The following P3H2 variants were observed in gnomAD, a reference collection of about 807,000 sequenced individuals.
The protein encoded by P3H2 is leprecan-like 1.
Under a neutral mutation model 87.0 loss-of-function variants are expected in P3H2, and 80 were observed. That is an observed-to-expected ratio of 0.92 (90% confidence interval 0.77 to 1.11). P3H2 has a LOEUF of 1.11. P3H2 is among the 50% of genes least tolerant of loss of function. The pLI is 0.00. For synonymous variants in P3H2, 367 were observed against 359.3 expected, an observed-to-expected ratio of 1.02 and a Z score of -0.24; for missense variants, 1,001 against 923.9, an observed-to-expected ratio of 1.08 and a Z score of -1.08.
At chr3:190,113,617 CAA>C (rs1712155691) in intron 1 of P3H2, among the ~76,000 whole-genome samples, 1 of 152,200 alleles carries the variant, frequency 6.6e-6, no homozygotes, top group Non-Finnish European at 1.5e-5. Flanking sequence ...CAAAATGTAT[CAA>C]GTCTCGCCTA....
chr3:190,042,428 TTGTG>T (rs58506083), intron 1 of P3H2, among the ~76,000 whole-genome samples: 22,900 of 150,668 alleles, frequency 0.15, 2,387 homozygotes, highest in African/African-American at 0.3. Flanking sequence ...TTGTAAGATT[TTGTG>T]TGTGTGTGTG....
chr3:189,962,743 G>A (rs1456308195), intron 14 of P3H2, among the ~76,000 whole-genome samples: 1 of 152,202 alleles, frequency 6.6e-6, no homozygotes. Flanking sequence ...ATATGTGAAA[G>A]AATGGCTTAG....
At chr3:190,097,457 TAAAAC>T (rs1261635222) in intron 1 of P3H2, among the ~76,000 whole-genome samples, 1 of 151,862 alleles carries the variant, frequency 6.6e-6, no homozygotes, top group Non-Finnish European at 1.5e-5. Flanking sequence ...GACTGAAAAA[TAAAAC>T]AAAACGATTC....
intron 10 of P3H2, among the ~76,000 whole-genome samples, chr3:189,973,656 TG>T (rs1723254098): frequency 6.6e-6 from 1 of 151,810 alleles, no homozygotes; most frequent in Non-Finnish European, 1.5e-5. Context: ...CCCGAGTAGC[TG>T]GGACTACAGG....
intron 1 of P3H2, among the ~76,000 whole-genome samples, chr3:190,057,691 T>C (rs1726202397): frequency 6.6e-6 from 1 of 152,182 alleles, no homozygotes; most frequent in East Asian, 1.9e-4. Context: ...ACAGATGATG[T>C]GGTGTGGCCT....
intron 1 of P3H2, among the ~76,000 whole-genome samples, chr3:189,998,339 T>C (rs1724111254): frequency 1.3e-5 from 2 of 152,210 alleles, no homozygotes; most frequent in African/African-American, 2.4e-5. Flanking sequence ...ATTTATGTTC[T>C]TAATTTTCCT....
chr3:190,114,094 A>C (rs2042039773), intron 1 of P3H2, among the ~76,000 whole-genome samples: 1 of 151,344 alleles, frequency 6.6e-6, no homozygotes, highest in Non-Finnish European at 1.5e-5. Flanking sequence ...AAAAAAAAAA[A>C]AAAATGGCCA....
Position 189,956,833 on chromosome 3 carries a change from A to C in P3H2, c.*1079T>G. On this transcript the variant is annotated 3_prime_UTR_variant, in exon 15 of 15. Coordinates refer to ENST00000319332, the MANE Select transcript of P3H2 (RefSeq NM_018192.4). ...CCCAAAATATAAGCAGATGACGGTT[A>C]AAATCAATCAGAAATTTATTTTTCT... 3.2e-6 allele frequency: 1 copy of C among 316,206 alleles called. No individual in the cohort carries two copies. The highest frequency in any genetic ancestry group is 5.7e-6 in the Non-Finnish European group (1 of 174,802). The allele number at this position is 316,206 out of a possible 1,614,324, so 19.6% of individuals were successfully genotyped here. A position where few individuals can be genotyped will look rare whatever the true frequency, so the allele number is the denominator to read the frequency against.
At chr3:190,012,989 C>G (rs1006436933) in intron 1 of P3H2, among the ~76,000 whole-genome samples, 3 of 152,156 alleles carry the variant, frequency 2.0e-5, no homozygotes, top group Non-Finnish European at 4.4e-5. Flanking sequence ...GTGACTAACT[C>G]TTCTTGGCAC....
intron 8 of P3H2, among the ~76,000 whole-genome samples, chr3:189,977,935 A>C (rs1489125000): frequency 6.6e-6 from 1 of 152,128 alleles, no homozygotes; most frequent in African/African-American, 2.4e-5. Flanking sequence ...AATCCCCCCT[A>C]AACGTCTTAG....
chr3:190,088,139 T>C (rs538954601), intron 1 of P3H2, among the ~76,000 whole-genome samples: 2 of 152,278 alleles, frequency 1.3e-5, no homozygotes, highest in Admixed American at 6.5e-5. Flanking sequence ...TAAAGTCTCA[T>C]TGATGATAAT....
chr3:190,084,796 T>C (rs1727157158), intron 1 of P3H2, among the ~76,000 whole-genome samples: 1 of 152,178 alleles, frequency 6.6e-6, no homozygotes, highest in African/African-American at 2.4e-5. Context: ...ACTGAGGTTT[T>C]GTTTTAGCCA....
At chr3:189,991,824 G>A (rs2108922109) in intron 3 of P3H2, among the ~76,000 whole-genome samples, 1 of 152,332 alleles carries the variant, frequency 6.6e-6, no homozygotes, top group African/African-American at 2.4e-5. Flanking sequence ...CCAGATCTGT[G>A]AGCAGAATTT....
intron 1 of P3H2, among the ~76,000 whole-genome samples, chr3:190,073,521 G>C (rs1441086026): frequency 6.6e-6 from 1 of 152,124 alleles, no homozygotes; most frequent in Non-Finnish European, 1.5e-5. Flanking sequence ...AACCACCAAG[G>C]CCTAGAGTAC....
rs551675191 is a variant in P3H2, at chr3:189,990,027, A to C, written c.824-989T>G. Among the ~76,000 whole-genome samples the C allele has an allele frequency of 2.6e-5, 4 of 152,224 alleles. No individual in the cohort carries two copies. The East Asian group carries it at 7.8e-4, about 30-fold the overall frequency. ...TTGAGAATGATGATAAAATCATTTG[A>C]TCTCATAGCTGTGCAATTTAATTTA... On this transcript the variant is annotated intron_variant, in intron 3 of 14. Coordinates refer to ENST00000319332, the MANE Select transcript of P3H2 (RefSeq NM_018192.4).
chr3:190,035,657 T>C (rs1725396555), intron 1 of P3H2, among the ~76,000 whole-genome samples: 1 of 152,216 alleles, frequency 6.6e-6, no homozygotes, highest in East Asian at 1.9e-4. Flanking sequence ...GATACTGTTA[T>C]CATGTCCTTT....
intron 14 of P3H2, among the ~76,000 whole-genome samples, chr3:189,959,860 ATGTGTGTGTGTGTG>A (rs75204350): frequency 0.082 from 11,008 of 134,728 alleles, 454 homozygotes; most frequent in South Asian, 0.13. Context: ...TGGAGGAGAT[ATGTGTGTGTGTGTG>A]TGTGTGTGTG....
chr3:190,112,621 G>C (rs537533254), intron 1 of P3H2, among the ~76,000 whole-genome samples: 1 of 152,138 alleles, frequency 6.6e-6, no homozygotes, highest in Non-Finnish European at 1.5e-5. Context: ...GTAGGGCCAA[G>C]GAAAAACAGA....
chr3:190,058,852 G>C (rs539666631), intron 1 of P3H2, among the ~76,000 whole-genome samples: 4 of 152,288 alleles, frequency 2.6e-5, no homozygotes, highest in African/African-American at 9.6e-5. Context: ...ACAAAAGCCA[G>C]ATTTAGTTCA....
Sources: allele counts gnomAD v4.1 joint callset (sites outside exome capture counted in the v4.1 genomes callset), GRCh38; gene constraint gnomAD v4.1.1; transcripts MANE v1.5; gene names NCBI Gene and HGNC (gene_info 2026-07-23, HGNC 2026-07-21).